The following FANCM variants were observed in gnomAD, a reference collection of about 807,000 sequenced individuals.
The protein encoded by FANCM is Fanconi anemia group M protein.
Under a neutral mutation model 199.5 loss-of-function variants are expected in FANCM, and 140 were observed. The observed-to-expected ratio is 0.70, with a 90% CI of 0.61 to 0.81. FANCM has a LOEUF of 0.81. Among genes scored for constraint, FANCM ranks in the 30% least tolerant of loss-of-function variants. FANCM has a pLI of 0.00. For missense variants in FANCM, 2,410 were observed against 2,421.4 expected (o/e 1.00, Z 0.10); for synonymous variants, 840 against 836.8 (o/e 1.00, Z -0.07).
intron 3 of FANCM, 36 bp downstream of exon 3, chr14:45,140,745 A>C (rs182609983): frequency 7.4e-7 from 1 of 1,348,258 alleles, no homozygotes; most frequent in East Asian, 2.3e-5. Context: ...TACAGTTAAG[A>C]AAATAAAGCT....
intron 18 of FANCM, among the ~76,000 whole-genome samples, chr14:45,186,075 G>A (rs1419569761): frequency 6.6e-6 from 1 of 151,984 alleles, no homozygotes; most frequent in Non-Finnish European, 1.5e-5. Context: ...TTGGCCTTTT[G>A]TAGAGATGTA....
At chr14:45,156,784 G>A (rs1354919327) in intron 8 of FANCM, among the ~76,000 whole-genome samples, 1 of 151,880 alleles carries the variant, frequency 6.6e-6, no homozygotes, top group Non-Finnish European at 1.5e-5. Context: ...TGAGTGTGGT[G>A]GTATGTGCCT....
intron 20 of FANCM, chr14:45,195,541 C>T: frequency 2.2e-6 from 1 of 456,652 alleles, no homozygotes; most frequent in Non-Finnish European, 4.4e-6. Flanking sequence ...AAGAGGAGCT[C>T]ATGGTCCACA....
chr14:45,173,160 C>T lies in FANCM; in HGVS notation c.2266C>T (p.Arg756Cys), dbSNP rs756870111. The T allele has an allele frequency of 3.8e-5, 61 of 1,613,474 alleles. No individual in the cohort carries two copies. Among genetic ancestry groups the T allele is most frequent in the Non-Finnish European group, 4.8e-5 (57 of 1,179,682 alleles). The change falls in exon 13 of 23, where the codon CGC (arginine) becomes TGC (cysteine). Residue 756 changes from arginine to cysteine, a missense_variant. Arg to Cys is a radical substitution (Grantham distance 180). Coordinates refer to ENST00000267430, the MANE Select transcript of FANCM (RefSeq NM_020937.4). ...THQVDHSDRCRHFIGLMQMIE... is the reference protein window; with the variant it reads ...THQVDHSDRCCHFIGLMQMIE... ...TCAAGTTGATCACTCAGATCGATGCCGCCATTTTATAGGCCTTATGCAAAT... is the reference window on the plus strand; with the variant it reads ...TCAAGTTGATCACTCAGATCGATGCTGCCATTTTATAGGCCTTATGCAAAT...
intron 9 of FANCM, among the ~76,000 whole-genome samples, chr14:45,162,026 T>A (rs140844271): frequency 6.6e-6 from 1 of 152,194 alleles, no homozygotes; most frequent in Non-Finnish European, 1.5e-5. Context: ...GAAGTCTGAC[T>A]GTAGGATGAC....
Position 45,170,783 on chromosome 14 carries a change from C to G in FANCM, c.2160+37C>G, listed in dbSNP as rs45441503. On this transcript the variant is annotated intron_variant, in intron 12 of 22. Coordinates refer to ENST00000267430, the MANE Select transcript of FANCM (RefSeq NM_020937.4). ...ATATTTTCAGATGTTCTTTTCCCCC[C>G]CCTCATTTTAATGCCAGAACCCCTC... 14 of 1,573,268 alleles carry G rather than the reference C, an allele frequency of 8.9e-6. 1 individual carries two copies. In the South Asian group the frequency reaches 1.2e-4, roughly 14 times the overall value.
chr14:45,176,349 A>G lies in FANCM; in HGVS notation c.3595A>G (p.Asn1199Asp). Residue 1199 changes from asparagine (N) to aspartate (D), a missense_variant, in exon 14 of 23, where the codon AAT (asparagine) becomes GAT (aspartate). Asn to Asp is a conservative substitution (Grantham distance 23, BLOSUM62 1). Transcript: ENST00000267430. ...CCAAGATCAAATCACCCGTGATGCT[A>G]ATAGTTTTAAATCTCGTGATCAGAG... The part of the protein sequence containing the change: ...ELQDQITRDA[N>D]SFKSRDQRGV... 1 of 1,613,604 alleles carries G rather than the reference A, an allele frequency of 6.2e-7. No homozygotes were observed. The highest frequency in any genetic ancestry group is 8.5e-7 in the Non-Finnish European group (1 of 1,179,888).
At chr14:45,169,563 C>G (rs1240763369) in intron 11 of FANCM, among the ~76,000 whole-genome samples, 1 of 151,950 alleles carries the variant, frequency 6.6e-6, no homozygotes, top group Non-Finnish European at 1.5e-5. Context: ...CCATGCCCAG[C>G]TAATTTTATT....
chr14:45,188,762 T>C (rs1415528429), intron 19 of FANCM, 40 bp from the exon 20 acceptor site: 1 of 1,430,212 alleles, frequency 7.0e-7, no homozygotes, highest in Non-Finnish European at 9.8e-7. Context: ...CTGTTAATTG[T>C]CTGAAATAAA....
At position 45,176,133 on chromosome 14, in the gene FANCM, T is replaced by A; in HGVS notation, c.3379T>A (p.Ser1127Thr). Residue 1127 changes from serine to threonine, a missense_variant, in exon 14 of 23, where the codon TCC (serine) becomes ACC (threonine). Coordinates refer to ENST00000267430, the MANE Select transcript of FANCM (RefSeq NM_020937.4). ...DVDNSDLPVL[S>T]TDQDESLLLF... is the part of the protein sequence containing the mutation. ...TGATAACAGTGACCTCCCAGTATTG[T>A]CCACTGATCAAGATGAAAGTTTGCT... The A allele has an allele frequency of 6.2e-7, 1 of 1,613,968 alleles. No individual in the cohort carries two copies. Among genetic ancestry groups the A allele is most frequent in the Non-Finnish European group, 8.5e-7 (1 of 1,179,842 alleles).
chr14:45,136,320 C>T lies in FANCM; in HGVS notation c.289C>T (p.His97Tyr). The T allele has an allele frequency of 5.0e-6, 8 of 1,614,170 alleles. No individual in the cohort carries two copies. The highest frequency in any genetic ancestry group is 6.8e-6 in the Non-Finnish European group (8 of 1,180,028). ...TNCPVRDYQL[H>Y]ISRAALFCNT... ...TTGCCCAGTGCGGGACTACCAGCTG[C>T]ACATTTCCCGGGCTGCTCTGTTTTG... The change falls in exon 1 of 23, where the codon CAC (histidine) becomes TAC (tyrosine). Residue 97 changes from histidine (H) to tyrosine (Y), a missense_variant. Physicochemically the swap from His to Tyr is moderately conservative, Grantham distance 83. Transcript: ENST00000267430.
chr14:45,165,648 A>T (rs778516916), intron 10 of FANCM, among the ~76,000 whole-genome samples: 3 of 152,228 alleles, frequency 2.0e-5, no homozygotes, highest in Non-Finnish European at 4.4e-5. Flanking sequence ...TGATTATAGC[A>T]TATTCATATG....
rs775175323 is a variant in FANCM at position 45,175,603 on chromosome 14, A to G, written c.2849A>G (p.Asn950Ser). The G allele has an allele frequency of 7.4e-6, 12 of 1,613,578 alleles. No individual in the cohort carries two copies. The highest frequency in any genetic ancestry group is 4.0e-5 in the African/African-American group (3 of 74,936). ...TTAGATTCTGGTTATAACAGTTTCA[A>G]TGATGAAAAATCTGTTTCATCTAAC... is the stretch of plus-strand genomic sequence containing the variant. ...NVLDSGYNSFNDEKSVSSNLF... is the reference protein window; with the variant it reads ...NVLDSGYNSFSDEKSVSSNLF... Residue 950 changes from asparagine (N) to serine (S), a missense_variant, in exon 14 of 23, where the codon AAT becomes AGT. Asn to Ser is a conservative substitution (Grantham distance 46). Transcript: ENST00000267430.
chr14:45,197,710 C>A (rs1455296047), intron 21 of FANCM, among the ~76,000 whole-genome samples: 1 of 151,652 alleles, frequency 6.6e-6, no homozygotes, highest in Non-Finnish European at 1.5e-5. Context: ...GGTGATCTGC[C>A]TGCCTCAGCC....
In FANCM at chr14:45,155,354, T is replaced by C. The variant is rs1375163672; in HGVS notation, c.1310-19T>C. 9.2e-7 allele frequency: 1 copy of C among 1,081,188 alleles called. No homozygotes were observed. Among genetic ancestry groups the C allele is most frequent in the Non-Finnish European group, 1.4e-6 (1 of 703,522 alleles). 67.0% of individuals were successfully genotyped at this position (1,081,188 alleles called of 1,614,324 possible). A position where few individuals can be genotyped will look rare whatever the true frequency, so the allele number is the denominator to read the frequency against. Reference sequence around the variant, plus strand: ...GGAAAAAAACAGAAAAAAATTTTGATATTTTTGTTTTGTTCCAGGAGATAA... The same window carrying C: ...GGAAAAAAACAGAAAAAAATTTTGACATTTTTGTTTTGTTCCAGGAGATAA... On this transcript the variant is annotated intron_variant, in intron 7 of 22. Transcript: ENST00000267430.
intron 1 of FANCM, among the ~76,000 whole-genome samples, chr14:45,136,741 T>G (rs1182784578): frequency 6.6e-6 from 1 of 152,224 alleles, no homozygotes; most frequent in East Asian, 1.9e-4. Flanking sequence ...TTTGAAGCTA[T>G]TATGTGCGTA....
chr14:45,186,311 A>G (rs558139037), intron 18 of FANCM, among the ~76,000 whole-genome samples: 1 of 152,364 alleles, frequency 6.6e-6, no homozygotes, highest in South Asian at 2.1e-4. Flanking sequence ...TGCAATACAA[A>G]GCTAAATTTA....
chr14:45,183,834 G>T lies in FANCM; in HGVS notation c.4447G>T (p.Asp1483Tyr). ...TCCCAAACCATGTTCACAATTAGAA[G>T]ACTTCAAGGTTTGTAACGGGAATGC... ...NFPKPCSQLE[D>Y]FKVCNGNARR... The change falls in exon 17 of 23, where the codon GAC (aspartate) becomes TAC (tyrosine). Residue 1483 changes from aspartate (D) to tyrosine (Y), a missense_variant. Transcript: ENST00000267430. The T allele has an allele frequency of 1.2e-6, 2 of 1,609,066 alleles. No homozygotes were observed. The highest frequency in any genetic ancestry group is 1.7e-6 in the Non-Finnish European group (2 of 1,175,770).
intron 14 of FANCM, among the ~76,000 whole-genome samples, chr14:45,179,415 G>A (rs1163535571): frequency 2.6e-5 from 4 of 151,958 alleles, no homozygotes; most frequent in Non-Finnish European, 5.9e-5. Flanking sequence ...GAGAGGCCGG[G>A]AGTTTTCATA....
Sources: gnomAD v4.1 joint callset for allele counts (sites outside exome capture counted in the v4.1 genomes callset) on GRCh38, gnomAD v4.1.1 for gene constraint, MANE v1.5 for transcripts, NCBI Gene and HGNC (gene_info 2026-07-23, HGNC 2026-07-21) for gene names.